Variants in ACVR1C observed in about 807,000 individuals in gnomAD.
The protein encoded by ACVR1C is activin receptor type-1C.
In ACVR1C, 23 loss-of-function variants were observed where a neutral mutation model predicts 57.9. That is an observed-to-expected ratio of 0.40 (90% CI 0.29 to 0.56). The LOEUF (loss-of-function observed/expected upper bound fraction) is 0.56, where lower values mean the gene tolerates loss of function less well. ACVR1C is among the 20% of genes least tolerant of loss of function. The probability of loss-of-function intolerance (pLI) is 0.50; values close to 1 mark genes in which losing one functional copy is unlikely to be tolerated. For missense variants in ACVR1C, 480 were observed against 607.9 expected (o/e 0.79, Z 2.21); for synonymous variants, 214 against 215.3 (o/e 0.99, Z 0.05).
In ACVR1C at chr2:157,587,450, C is replaced by T. The variant is rs1475707120; in HGVS notation, c.74-33G>A. Reference sequence around the variant, plus strand: ...GAGTAAGGCAAAAAGATTTAAAATACAAAAGACATCATGCTACTTTATTTG... The same window carrying T: ...GAGTAAGGCAAAAAGATTTAAAATATAAAAGACATCATGCTACTTTATTTG... On this transcript the variant is annotated intron_variant, in intron 1 of 8. Coordinates refer to ENST00000243349, the MANE Select transcript of ACVR1C (RefSeq NM_145259.3). 5 of 1,432,218 alleles carry T rather than the reference C, an allele frequency of 3.5e-6. No individual in the cohort carries two copies. In the East Asian group the frequency reaches 1.1e-4, roughly 33 times the overall value. The allele number at this position is 1,432,218 out of a possible 1,614,324, so 88.7% of individuals were successfully genotyped here.
intron 1 of ACVR1C, among the ~76,000 whole-genome samples, chr2:157,624,452 A>G (rs1169124100): frequency 6.6e-6 from 1 of 152,262 alleles, no homozygotes; most frequent in Non-Finnish European, 1.5e-5. Flanking sequence ...TGTATTCAAA[A>G]GGAAACTACT....
At chr2:157,582,046 A>G (rs1398768241) in intron 2 of ACVR1C, among the ~76,000 whole-genome samples, 1 of 152,230 alleles carries the variant, frequency 6.6e-6, no homozygotes, top group Non-Finnish European at 1.5e-5. Context: ...GGCCAGGTAC[A>G]GTGGCTCATG....
In ACVR1C at chr2:157,542,996, T is replaced by G. The variant is rs1020105578; in HGVS notation, c.944-134A>C. The stretch of plus-strand genomic sequence containing the variant: ...TCAAAGCTCTTGTCACTATCTAAAT[T>G]ATCTTGTTTATTTATGTACATGCTG... On this transcript the variant is annotated intron_variant, in intron 5 of 8. Coordinates refer to ENST00000243349, the MANE Select transcript of ACVR1C (RefSeq NM_145259.3). 1.8e-5 allele frequency: 15 copies of G among 834,524 alleles called. No homozygotes were observed. In the Admixed American group the frequency reaches 3.7e-4, roughly 20 times the overall value. 51.7% of individuals were successfully genotyped at this position (834,524 alleles called of 1,614,324 possible).
intron 4 of ACVR1C, among the ~76,000 whole-genome samples, chr2:157,545,751 A>G (rs1687739405): frequency 6.6e-6 from 1 of 152,096 alleles, no homozygotes; most frequent in African/African-American, 2.4e-5. Context: ...TCTTGTGCAT[A>G]TTATTATTAC....
In ACVR1C at chr2:157,567,218, A is replaced by G. The variant is rs534411261; in HGVS notation, c.305-10886T>C. Among the ~76,000 whole-genome samples, 25 of 94,466 alleles carry G rather than the reference A, an allele frequency of 2.6e-4. 3 individuals carry two copies. The highest frequency in any genetic ancestry group is 4.6e-4 in the Non-Finnish European group (21 of 45,780). The allele number at this position is 94,466 out of a possible 152,430, so 62.0% of individuals were successfully genotyped here. ...ATCTACACCGAAAACCCATCTGTAC[A>G]TCACCATCATCAAAGACCAAAAGTA... On this transcript the variant is annotated intron_variant, in intron 2 of 8. Coordinates refer to ENST00000243349, the MANE Select transcript of ACVR1C (RefSeq NM_145259.3).
intron 1 of ACVR1C, among the ~76,000 whole-genome samples, chr2:157,594,923 G>T (rs1682054398): frequency 6.6e-6 from 1 of 152,170 alleles, no homozygotes; most frequent in Non-Finnish European, 1.5e-5. Context: ...CATATGGAAA[G>T]GACACGTATG....
chr2:157,607,151 T>C (rs1456978958), intron 1 of ACVR1C, among the ~76,000 whole-genome samples: 1 of 151,980 alleles, frequency 6.6e-6, no homozygotes, highest in East Asian at 1.9e-4. Context: ...CTGAGTTCTC[T>C]ATTCTGTTTC....
At chr2:157,601,537 CGAAAG>C (rs1405888820) in intron 1 of ACVR1C, among the ~76,000 whole-genome samples, 1 of 152,014 alleles carries the variant, frequency 6.6e-6, no homozygotes, top group Admixed American at 6.6e-5. Flanking sequence ...TTAGCCAGAA[CGAAAG>C]GAAAGTCTAA....
intron 3 of ACVR1C, among the ~76,000 whole-genome samples, chr2:157,555,322 T>C (rs1688074074): frequency 6.6e-6 from 1 of 151,528 alleles, no homozygotes; most frequent in African/African-American, 2.4e-5. Context: ...GGTTTCACCT[T>C]GTTAGCCAGG....
At chr2:157,599,478 A>G (rs1682232079) in intron 1 of ACVR1C, among the ~76,000 whole-genome samples, 1 of 152,150 alleles carries the variant, frequency 6.6e-6, no homozygotes, top group Non-Finnish European at 1.5e-5. Flanking sequence ...CGGCTCAACA[A>G]GCTCACTCTA....
At chr2:157,603,905 A>G (rs2105142262) in intron 1 of ACVR1C, among the ~76,000 whole-genome samples, 1 of 152,204 alleles carries the variant, frequency 6.6e-6, no homozygotes, top group South Asian at 2.1e-4. Context: ...TTATAACTGC[A>G]TATGGCAAAA....
At chr2:157,564,787 G>C (rs1688320540) in intron 2 of ACVR1C, among the ~76,000 whole-genome samples, 2 of 152,208 alleles carry the variant, frequency 1.3e-5, no homozygotes, top group Admixed American at 1.3e-4. Flanking sequence ...AAGAAGGAAT[G>C]AGATCATGTC....
At position 157,550,274 on chromosome 2, in the gene ACVR1C, C is replaced by T; in HGVS notation, c.663G>A (p.Val221=). Residue 221 remains valine (V), a synonymous_variant, in exon 4 of 9, where the codon GTG becomes GTA. Transcript: ENST00000243349. The stretch of plus-strand genomic sequence containing the variant: ...TTTCATCTCTGGAGGAGAATATTTT[C>T]ACAGCCACATCTTCCCCACACCATC... The part of the protein sequence containing the change: ...HGRWCGEDVA[V]KIFSSRDERS... 1 of 1,614,138 alleles carries T rather than the reference C, an allele frequency of 6.2e-7. No individual in the cohort carries two copies. The highest frequency in any genetic ancestry group is 8.5e-7 in the Non-Finnish European group (1 of 1,180,028).
At chr2:157,575,136 T>C (rs1211106002) in intron 2 of ACVR1C, among the ~76,000 whole-genome samples, 1 of 151,612 alleles carries the variant, frequency 6.6e-6, no homozygotes, top group Non-Finnish European at 1.5e-5. Flanking sequence ...AAGTTCTTTT[T>C]TTTTTTTTTT....
intron 1 of ACVR1C, among the ~76,000 whole-genome samples, chr2:157,622,480 A>G (rs988624420): frequency 6.6e-6 from 1 of 152,220 alleles, no homozygotes; most frequent in Non-Finnish European, 1.5e-5. Flanking sequence ...CAGTGAACTC[A>G]TCTTTAACAC....
chr2:157,541,324 C>G, intron 6 of ACVR1C, 110 bp from the exon 7 acceptor site: 2 of 1,101,712 alleles, frequency 1.8e-6, no homozygotes, highest in South Asian at 1.8e-5. Flanking sequence ...AGATTTGAAG[C>G]ACTATAATAG....
At chr2:157,534,104 A>G (rs1232275888) in intron 8 of ACVR1C, 61 bp from the exon 9 acceptor site, 7 of 1,369,424 alleles carry the variant, frequency 5.1e-6, no homozygotes, top group African/African-American at 3.0e-5. Flanking sequence ...AGAGCACAAA[A>G]GAAGTAAAGC....
At chr2:157,555,759 C>T (rs1322006877) in intron 3 of ACVR1C, among the ~76,000 whole-genome samples, 2 of 152,090 alleles carry the variant, frequency 1.3e-5, no homozygotes, top group South Asian at 2.1e-4. Flanking sequence ...ACATTATCAA[C>T]AAAGCAACAG....
At chr2:157,594,279 C>T (rs115468281) in intron 1 of ACVR1C, among the ~76,000 whole-genome samples, 2,146 of 152,190 alleles carry the variant, frequency 0.014, 41 homozygotes, top group African/African-American at 0.049. Flanking sequence ...TCTTCCTCAC[C>T]TGTAAAATGA....
Sources: allele counts gnomAD v4.1 joint callset (sites outside exome capture counted in the v4.1 genomes callset), GRCh38; gene constraint gnomAD v4.1.1; transcripts MANE v1.5; gene names NCBI Gene and HGNC (gene_info 2026-07-23, HGNC 2026-07-21).